Variants in SNTA1 observed in about 807,000 individuals in gnomAD.
SNTA1 encodes syntrophin alpha 1, also known as alpha-1-syntrophin.
Under a neutral mutation model 47.1 loss-of-function variants are expected in SNTA1, and 31 were observed. The observed-to-expected ratio is 0.66, with a 90% confidence interval of 0.49 to 0.89. The LOEUF is 0.89. SNTA1 is among the 40% of genes least tolerant of loss of function. SNTA1 has a pLI of 0.00. For synonymous variants in SNTA1, 300 were observed against 313.6 expected (o/e 0.96, Z 0.46); for missense variants, 575 against 693.0 (o/e 0.83, Z 1.91).
chr20:33,435,454 AG>A (rs1374659901), intron 2 of SNTA1, among the ~76,000 whole-genome samples: 1 of 151,962 alleles, frequency 6.6e-6, no homozygotes, highest in African/African-American at 2.4e-5. Context: ...AAAATTAACC[AG>A]GCCGTGGTGG....
chr20:33,412,574 C>T lies in SNTA1; in HGVS notation c.909+1G>A. ...GGATAGGTCCCAGGCCCAGCAGGTACCTGCTCAGTTAGCCAGCCAATCTGC... is the reference window on the plus strand; with the variant it reads ...GGATAGGTCCCAGGCCCAGCAGGTATCTGCTCAGTTAGCCAGCCAATCTGC... On this transcript the variant is annotated splice_donor_variant, in intron 4 of 7. Coordinates refer to ENST00000217381, the MANE Select transcript of SNTA1 (RefSeq NM_003098.3). LOFTEE classifies it high-confidence loss of function. The T allele has an allele frequency of 6.2e-7, 1 of 1,612,914 alleles. No homozygotes were observed. Among genetic ancestry groups the T allele is most frequent in the Non-Finnish European group, 8.5e-7 (1 of 1,179,810 alleles).
chr20:33,439,110 G>A (rs1990517468), intron 1 of SNTA1, 84 bp from the exon 2 acceptor site: 8 of 1,260,678 alleles, frequency 6.3e-6, no homozygotes, highest in Non-Finnish European at 5.8e-6. Flanking sequence ...ATTTCTGAAG[G>A]CTTCCCTTGG....
At chr20:33,425,245 G>A (rs1990140653) in intron 2 of SNTA1, among the ~76,000 whole-genome samples, 1 of 152,144 alleles carries the variant, frequency 6.6e-6, no homozygotes, top group Non-Finnish European at 1.5e-5. Context: ...ACTCCGGCCT[G>A]GGTGACAGAA....
At chr20:33,433,327 C>T (rs1432861896) in intron 2 of SNTA1, among the ~76,000 whole-genome samples, 3 of 141,660 alleles carry the variant, frequency 2.1e-5, no homozygotes, top group Admixed American at 1.5e-4. Flanking sequence ...TACAATGGTT[C>T]GATCTTGGCT....
intron 2 of SNTA1, among the ~76,000 whole-genome samples, chr20:33,430,210 A>G (rs1254455482): frequency 6.6e-6 from 1 of 151,912 alleles, no homozygotes; most frequent in Non-Finnish European, 1.5e-5. Context: ...ACTCTCTCGA[A>G]CACACCTTCA....
intron 2 of SNTA1, among the ~76,000 whole-genome samples, chr20:33,427,177 T>C (rs1486287663): frequency 6.6e-6 from 1 of 151,866 alleles, no homozygotes; most frequent in Non-Finnish European, 1.5e-5. Context: ...GATAGCAGTG[T>C]GGTTATGATT....
intron 6 of SNTA1, 30 bp downstream of exon 6, chr20:33,410,105 G>C: frequency 6.2e-7 from 1 of 1,611,186 alleles, no homozygotes. Context: ...CTTATTACCA[G>C]AGGGACACTC....
chr20:33,438,756 G>T, intron 2 of SNTA1, 85 bp downstream of exon 2: 1 of 1,142,388 alleles, frequency 8.8e-7, no homozygotes. Context: ...GTGCTGGGAT[G>T]GGGCCTTCTG....
chr20:33,443,433 T>C lies in SNTA1; in HGVS notation c.188A>G (p.Gln63Arg). ...GCCCGGCTCCGCGGCGCCGTTGAGCTGCGCGGGCTCCTGCTCCCGCGGAGC... is the reference window on the plus strand; with the variant it reads ...GCCCGGCTCCGCGGCGCCGTTGAGCCGCGCGGGCTCCTGCTCCCGCGGAGC... ...PGAPREQEPA[Q>R]LNGAAEPGAG... is the part of the protein sequence containing the mutation. Residue 63 changes from glutamine to arginine, a missense_variant, in exon 1 of 8, where the codon CAG becomes CGG. Coordinates refer to ENST00000217381, the MANE Select transcript of SNTA1 (RefSeq NM_003098.3). 7.5e-7 allele frequency: 1 copy of C among 1,340,444 alleles called. No individual in the cohort carries two copies. The highest frequency in any genetic ancestry group is 1.5e-5 in the African/African-American group (1 of 64,758). The allele number at this position is 1,340,444 out of a possible 1,614,324, so 83.0% of individuals were successfully genotyped here.
At chr20:33,418,390 G>T (rs1989931812) in intron 2 of SNTA1, among the ~76,000 whole-genome samples, 1 of 151,842 alleles carries the variant, frequency 6.6e-6, no homozygotes, top group East Asian at 1.9e-4. Flanking sequence ...AAGTAGCTGG[G>T]TCTACAGGTA....
intron 2 of SNTA1, among the ~76,000 whole-genome samples, chr20:33,436,227 TGAG>T (rs1195535915): frequency 2.0e-5 from 3 of 152,040 alleles, no homozygotes; most frequent in African/African-American, 4.8e-5. Context: ...AAAATAAAGA[TGAG>T]GAGGTGAGGG....
chr20:33,420,552 G>A (rs1166016254), intron 2 of SNTA1, among the ~76,000 whole-genome samples: 3 of 152,070 alleles, frequency 2.0e-5, no homozygotes, highest in Non-Finnish European at 2.9e-5. Context: ...TGCCCTCTAG[G>A]ACATGGGCCC....
intron 2 of SNTA1, among the ~76,000 whole-genome samples, chr20:33,421,261 C>T (rs954096281): frequency 3.9e-5 from 6 of 152,102 alleles, no homozygotes; most frequent in African/African-American, 2.4e-5. Context: ...CACTGTCTAA[C>T]TGTGTAACCA....
Position 33,440,182 on chromosome 20 carries a change from G to A in SNTA1, c.311-1156C>T, listed in dbSNP as rs183871087. Among the ~76,000 whole-genome samples, 84 of 151,778 alleles carry A rather than the reference G, an allele frequency of 5.5e-4. 1 individual carries two copies. Among genetic ancestry groups the A allele is most frequent in the Non-Finnish European group, 1.1e-3 (73 of 67,932 alleles). On this transcript the variant is annotated intron_variant, in intron 1 of 7. Coordinates refer to ENST00000217381, the MANE Select transcript of SNTA1 (RefSeq NM_003098.3). ...AACAAATAAAAAAATATGGCTGGGC[G>A]TGGTGGCTCACGCCTGTAATCCCAG...
intron 2 of SNTA1, among the ~76,000 whole-genome samples, chr20:33,423,251 C>A (rs1012525490): frequency 1.3e-5 from 2 of 152,170 alleles, no homozygotes; most frequent in Non-Finnish European, 2.9e-5. Flanking sequence ...TTTCACAAAC[C>A]AAGTGGCCTG....
chr20:33,430,312 G>A (rs773812922), intron 2 of SNTA1, among the ~76,000 whole-genome samples: 19 of 133,646 alleles, frequency 1.4e-4, no homozygotes, highest in Admixed American at 3.4e-4. Flanking sequence ...TTTTTGAGAC[G>A]GAGTCTCACT....
In SNTA1 at chr20:33,412,416, C is replaced by T; in HGVS notation, c.920G>A (p.Gly307Glu). 1.2e-6 allele frequency: 2 copies of T among 1,611,088 alleles called. No individual in the cohort carries two copies. The highest frequency in any genetic ancestry group is 1.3e-5 in the African/African-American group (1 of 75,034). The change falls in exon 5 of 8, where the codon GGG (glycine) becomes GAG (glutamate). Residue 307 changes from glycine (G) to glutamate (E), a missense_variant. Physicochemically the swap from Gly to Glu is moderately conservative, Grantham distance 98. Coordinates refer to ENST00000217381, the MANE Select transcript of SNTA1 (RefSeq NM_003098.3). ...IGWLTEQLPS[G>E]GTAPTLALLT... ...CAGGGCCAGGGTGGGGGCTGTGCCC[C>T]CACTGGGCAGCTGCAGAGAACAAAA...
chr20:33,441,458 G>A (rs1051150400), intron 1 of SNTA1, among the ~76,000 whole-genome samples: 6 of 152,202 alleles, frequency 3.9e-5, no homozygotes, highest in Non-Finnish European at 7.3e-5. Flanking sequence ...AGCTGGGACT[G>A]GAACACCTCT....
At chr20:33,413,932 C>T (rs1055224649) in intron 3 of SNTA1, among the ~76,000 whole-genome samples, 1 of 151,618 alleles carries the variant, frequency 6.6e-6, no homozygotes, top group Non-Finnish European at 1.5e-5. Context: ...AGCACAAGAC[C>T]TCATCTTAAA....
Sources: allele counts gnomAD v4.1 joint callset (sites outside exome capture counted in the v4.1 genomes callset), GRCh38; gene constraint gnomAD v4.1.1; transcripts MANE v1.5; gene names NCBI Gene and HGNC (gene_info 2026-07-23, HGNC 2026-07-21).